The following PCNX2 variants were observed in gnomAD, a reference collection of about 807,000 sequenced individuals.
PCNX2 encodes pecanex-like protein 2.
Under a neutral mutation model 223.8 loss-of-function variants are expected in PCNX2, and 168 were observed. The ratio of observed to expected loss-of-function variants is 0.75; its 90% CI spans 0.66 to 0.85. PCNX2 has a LOEUF of 0.85. Among genes scored for constraint, PCNX2 ranks in the 40% least tolerant of loss-of-function variants. PCNX2 has a pLI of 0.00. For missense variants in PCNX2, 2,507 were observed against 2,675.5 expected, an observed-to-expected ratio of 0.94 and a Z score of 1.39; for synonymous variants, 1,006 against 1,052.6, an observed-to-expected ratio of 0.96 and a Z score of 0.86.
intron 21 of PCNX2, chr1:233,112,819 A>G (rs1478448151): frequency 1.6e-6 from 2 of 1,262,162 alleles, no homozygotes; most frequent in East Asian, 1.1e-4. Flanking sequence ...TGATGTCCCA[A>G]ATGGGGAGAA....
At chr1:233,321,520 A>G in the PCNX2 span, among the ~76,000 whole-genome samples, 1 of 152,132 alleles carries the variant, frequency 6.6e-6, no homozygotes, top group East Asian at 1.9e-4. Context: ...CTGGTCTGGA[A>G]CTTCTGACCT....
At chr1:233,121,681 G>C (rs1368152587) in intron 21 of PCNX2, among the ~76,000 whole-genome samples, 3 of 152,168 alleles carry the variant, frequency 2.0e-5, no homozygotes, top group African/African-American at 7.2e-5. Context: ...ACAGATGGTA[G>C]AAGCTAAGTT....
chr1:233,183,875 G>A (rs1572036190), intron 15 of PCNX2, among the ~76,000 whole-genome samples: 1 of 152,206 alleles, frequency 6.6e-6, no homozygotes, highest in Non-Finnish European at 1.5e-5. Flanking sequence ...AATGCAGAAC[G>A]TGGTCCTTCC....
In PCNX2 at chr1:233,258,277, G is replaced by A. The variant is rs369700241; in HGVS notation, c.1585C>T (p.Arg529Trp). The change falls in exon 5 of 34, where the codon CGG becomes TGG. Residue 529 changes from arginine to tryptophan, a missense_variant. Transcript: ENST00000258229. The part of the protein sequence containing the change: ...CKSSHEKRHA[R>W]VLSVDSGTDV... ...GTCCCACTGTCCACACTGAGCACCCGGGCATGCCTCTTTTCATGGCTGGAC... is the reference window on the plus strand; with the variant it reads ...GTCCCACTGTCCACACTGAGCACCCAGGCATGCCTCTTTTCATGGCTGGAC... 59 of 1,613,854 alleles carry A rather than the reference G, an allele frequency of 3.7e-5. No individual in the cohort carries two copies. In the African/African-American group the frequency reaches 4.3e-4, roughly 12 times the overall value.
the PCNX2 span, among the ~76,000 whole-genome samples, chr1:233,306,398 C>T: frequency 6.6e-5 from 10 of 152,294 alleles, no homozygotes; most frequent in Admixed American, 5.2e-4. Context: ...TGGGCAACAA[C>T]ATGTAGATAT....
intron 25 of PCNX2, 129 bp downstream of exon 25, chr1:233,054,139 G>A: frequency 9.3e-6 from 7 of 752,438 alleles, no homozygotes; most frequent in Non-Finnish European, 1.5e-5. Context: ...AGGTAGTGGT[G>A]GCAAGCTCAC....
At chr1:233,124,963 C>T (rs1676015099) in intron 21 of PCNX2, among the ~76,000 whole-genome samples, 1 of 152,226 alleles carries the variant, frequency 6.6e-6, no homozygotes, top group Non-Finnish European at 1.5e-5. Context: ...TTTAAATACA[C>T]TGATCTGTGA....
intron 13 of PCNX2, chr1:233,202,073 A>C (rs186300594): frequency 2.5e-6 from 1 of 407,428 alleles, no homozygotes; most frequent in East Asian, 7.7e-5. Context: ...GTGGAATGGG[A>C]GGAAGAGGGA....
intron 20 of PCNX2, among the ~76,000 whole-genome samples, chr1:233,136,122 G>C (rs902869333): frequency 4.6e-5 from 7 of 152,328 alleles, no homozygotes; most frequent in African/African-American, 1.7e-4. Flanking sequence ...TTCTTGAAGG[G>C]CCTGGCTTTC....
Position 233,262,088 on chromosome 1 carries a change from G to C in PCNX2, c.437C>G (p.Ser146Cys). 6.2e-7 allele frequency: 1 copy of C among 1,613,880 alleles called. No homozygotes were observed. ...NLSTPPLRCS[S>C]RGQSITSHHS... ...ATGAGAGGTTATGCTTTGCCCTCTG[G>C]AGCTGCAGCGGAGGGGAGGCGTGGA... Residue 146 changes from serine to cysteine, a missense_variant, in exon 3 of 34, where the codon TCC (serine) becomes TGC (cysteine). Ser to Cys is a moderately radical substitution (Grantham distance 112, BLOSUM62 -1). Coordinates refer to ENST00000258229, the MANE Select transcript of PCNX2 (RefSeq NM_014801.4).
the PCNX2 span, among the ~76,000 whole-genome samples, chr1:233,317,036 C>T: frequency 6.6e-6 from 1 of 152,146 alleles, no homozygotes; most frequent in Non-Finnish European, 1.5e-5. Flanking sequence ...TCTGTATATT[C>T]TGTCCAATCT....
intron 12 of PCNX2, among the ~76,000 whole-genome samples, chr1:233,209,464 G>A (rs543715242): frequency 6.6e-6 from 1 of 151,994 alleles, no homozygotes; most frequent in Non-Finnish European, 1.5e-5. Flanking sequence ...ATAAGATTCA[G>A]GGGGAAAAAA....
At chr1:233,120,927 A>G (rs542076810) in intron 21 of PCNX2, among the ~76,000 whole-genome samples, 1 of 152,274 alleles carries the variant, frequency 6.6e-6, no homozygotes, top group African/African-American at 2.4e-5. Context: ...TACTCTAAAC[A>G]TAAAGATTCA....
intron 1 of PCNX2, among the ~76,000 whole-genome samples, chr1:233,266,635 T>C (rs1233695815): frequency 6.6e-6 from 1 of 152,226 alleles, no homozygotes; most frequent in Non-Finnish European, 1.5e-5. Context: ...TGAGCAGTTA[T>C]GAATTGTTCC....
At chr1:233,023,494 G>A (rs1670971822) in intron 26 of PCNX2, among the ~76,000 whole-genome samples, 2 of 152,224 alleles carry the variant, frequency 1.3e-5, no homozygotes, top group African/African-American at 4.8e-5. Context: ...AACTTAAATT[G>A]TGGAACTCAA....
intron 10 of PCNX2, among the ~76,000 whole-genome samples, chr1:233,224,896 C>G (rs138702414): frequency 6.6e-6 from 1 of 151,932 alleles, no homozygotes; most frequent in African/African-American, 2.4e-5. Flanking sequence ...GGGAGTTGAA[C>G]AATGAGAACA....
At chr1:233,318,557 CTTTTTCTT>C in the PCNX2 span, among the ~76,000 whole-genome samples, 1 of 108,962 alleles carries the variant, frequency 9.2e-6, no homozygotes, top group Non-Finnish European at 1.8e-5. Flanking sequence ...TTTTCTTTTT[CTTTTTCTT>C]TTTTTTTTTT....
chr1:233,283,960 C>G lies in PCNX2; in HGVS notation c.153+11366G>C, dbSNP rs960988316. Among the ~76,000 whole-genome samples the G allele has an allele frequency of 3.9e-5, 6 of 152,182 alleles. No individual in the cohort carries two copies. The East Asian group carries it at 1.2e-3, about 29-fold the overall frequency. ...GCTGACACTACCTTAACCAATGATG[C>G]GGGTTGGGGAGAGGTGGGAGAATTC... On this transcript the variant is annotated intron_variant, in intron 1 of 33. Transcript: ENST00000258229.
At chr1:233,136,726 C>T (rs746826078) in intron 20 of PCNX2, among the ~76,000 whole-genome samples, 8 of 152,126 alleles carry the variant, frequency 5.3e-5, no homozygotes, top group Non-Finnish European at 7.4e-5. Context: ...GAAAAGATGA[C>T]GTCAGGTCCA....
Sources: allele counts gnomAD v4.1 joint callset (sites outside exome capture counted in the v4.1 genomes callset), GRCh38; gene constraint gnomAD v4.1.1; transcripts MANE v1.5; gene names NCBI Gene and HGNC (gene_info 2026-07-23, HGNC 2026-07-21).